Variants in CDH20 observed in about 807,000 individuals in gnomAD.
CDH20 encodes the protein cadherin-20.
CDH20 carries 29 observed loss-of-function variants against 74.2 expected under a neutral mutation model. The observed-to-expected ratio is 0.39, with a 90% CI of 0.29 to 0.53. CDH20 has a LOEUF of 0.53. Ranked by LOEUF, CDH20 falls within the 20% of genes least tolerant of loss-of-function variation. The probability of loss-of-function intolerance (pLI) is 0.69; values close to 1 mark genes in which losing one functional copy is unlikely to be tolerated. For missense variants in CDH20, 988 were observed against 1,048.3 expected (o/e 0.94, Z 0.79); for synonymous variants, 469 against 405.4 (o/e 1.16, Z -1.88).
At chr18:61,459,221 ACT>A (rs1185777431) in intron 1 of CDH20, among the ~76,000 whole-genome samples, 22 of 151,456 alleles carry the variant, frequency 1.5e-4, no homozygotes, top group African/African-American at 5.1e-4. Flanking sequence ...TAGTAAGGAC[ACT>A]CTATCACCTC....
chr18:61,345,733 A>T (rs891117752), intron 1 of CDH20, among the ~76,000 whole-genome samples: 7 of 152,332 alleles, frequency 4.6e-5, no homozygotes, highest in African/African-American at 1.7e-4. Flanking sequence ...AAGAACCCAG[A>T]TGTCTTAATG....
At chr18:61,513,264 T>C (rs1911852814) in intron 6 of CDH20, among the ~76,000 whole-genome samples, 1 of 142,502 alleles carries the variant, frequency 7.0e-6, no homozygotes, top group Non-Finnish European at 1.5e-5. Context: ...GTAATGGCCT[T>C]GTCTCTTTTG....
intron 1 of CDH20, among the ~76,000 whole-genome samples, chr18:61,387,121 T>C (rs1320488920): frequency 1.3e-5 from 2 of 152,216 alleles, no homozygotes; most frequent in Non-Finnish European, 2.9e-5. Context: ...TCTATTTTCA[T>C]CCATACATCT....
rs1910399925 is a variant in CDH20 at position 61,353,930 on chromosome 18, A to C, written c.-153+20103A>C. On this transcript the variant is annotated intron_variant, in intron 1 of 11. Transcript: ENST00000262717. This position sits in a 1 kb window ranked among gnomAD's most constrained non-coding sequence, Gnocchi z 4.6. ...AACCCCATCTCTACCAAAAATACAA[A>C]ATATTAGTTGGGCATGGTGGCGTGC... is the stretch of plus-strand genomic sequence containing the variant. 6.6e-6 allele frequency among the ~76,000 whole-genome samples: 1 copy of C among 152,026 alleles called. No individual in the cohort carries two copies. The highest frequency in any genetic ancestry group is 2.1e-4 in the South Asian group (1 of 4,810).
At chr18:61,525,440 A>C (rs1269097956) in intron 6 of CDH20, among the ~76,000 whole-genome samples, 9 of 152,200 alleles carry the variant, frequency 5.9e-5, no homozygotes, top group Admixed American at 4.6e-4. Context: ...AGGAAAGAAA[A>C]ATGTTTCGAT....
chr18:61,371,330 T>C (rs976603867), intron 1 of CDH20, among the ~76,000 whole-genome samples: 19 of 152,060 alleles, frequency 1.2e-4, no homozygotes, highest in Admixed American at 1.1e-3. Flanking sequence ...AAAAATTAAC[T>C]GGTGATGATG....
intron 2 of CDH20, among the ~76,000 whole-genome samples, chr18:61,493,429 T>C (rs1302655617): frequency 6.6e-6 from 1 of 152,206 alleles, no homozygotes; most frequent in Non-Finnish European, 1.5e-5. Flanking sequence ...AAGAAAGCAC[T>C]ACAGTGCTTT....
chr18:61,376,139 G>A (rs1254447984), intron 1 of CDH20, among the ~76,000 whole-genome samples: 8 of 151,952 alleles, frequency 5.3e-5, no homozygotes, highest in Non-Finnish European at 1.2e-4. Context: ...GAGCCCCCTA[G>A]TAGTCTAGTG....
Position 61,373,144 on chromosome 18 carries a change from T to C in CDH20, c.-153+39317T>C, listed in dbSNP as rs376307077. Among the ~76,000 whole-genome samples, 8 of 151,902 alleles carry C rather than the reference T, an allele frequency of 5.3e-5. No homozygotes were observed. The East Asian group carries it at 7.8e-4, about 15-fold the overall frequency. ...AAAGTTGTCTTACACAGATGGCATG[T>C]GAATGCATGATTTAGAATAAATGAC... On this transcript the variant is annotated intron_variant, in intron 1 of 11. Transcript: ENST00000262717.
At chr18:61,489,040 T>C (rs1910866165) in intron 1 of CDH20, among the ~76,000 whole-genome samples, 1 of 152,236 alleles carries the variant, frequency 6.6e-6, no homozygotes, top group South Asian at 2.1e-4. Flanking sequence ...TAACACTCAA[T>C]CTGCCTTCAG....
chr18:61,507,676 C>T (rs1172455427), intron 6 of CDH20, 116 bp downstream of exon 6: 5 of 636,298 alleles, frequency 7.9e-6, no homozygotes, highest in East Asian at 3.2e-5. Flanking sequence ...GATAAAAGTG[C>T]TTTCCTATTA....
intron 9 of CDH20, among the ~76,000 whole-genome samples, chr18:61,544,370 C>T (rs960960898): frequency 6.6e-6 from 1 of 152,224 alleles, no homozygotes; most frequent in African/African-American, 2.4e-5. Flanking sequence ...CTCAATAGAC[C>T]CTCTGCCTTA....
intron 1 of CDH20, among the ~76,000 whole-genome samples, chr18:61,436,740 C>G (rs62098093): frequency 0.027 from 4,131 of 152,186 alleles, 75 homozygotes; most frequent in Middle Eastern, 0.048. Flanking sequence ...CAGATTGTAC[C>G]ATGTGGGTAC....
At chr18:61,517,482 G>A (rs1306140242) in intron 6 of CDH20, among the ~76,000 whole-genome samples, 2 of 152,196 alleles carry the variant, frequency 1.3e-5, no homozygotes, top group Admixed American at 6.5e-5. Context: ...GAAGTGCAAG[G>A]GGTCAGGGAA....
intron 1 of CDH20, among the ~76,000 whole-genome samples, chr18:61,471,395 T>C (rs1372412064): frequency 1.3e-5 from 2 of 152,270 alleles, no homozygotes; most frequent in South Asian, 2.1e-4. Flanking sequence ...AGAAATTATA[T>C]CTCCCAGCAA....
At chr18:61,459,046 C>G (rs575891593) in intron 1 of CDH20, among the ~76,000 whole-genome samples, 1 of 152,118 alleles carries the variant, frequency 6.6e-6, no homozygotes, top group South Asian at 2.1e-4. Flanking sequence ...AGTAATAGCT[C>G]CTAAGTGGAA....
At chr18:61,391,410 T>A (rs1911775768) in intron 1 of CDH20, among the ~76,000 whole-genome samples, 1 of 152,118 alleles carries the variant, frequency 6.6e-6, no homozygotes, top group Non-Finnish European at 1.5e-5. Context: ...GCAACTAATA[T>A]AAAATATCCA....
At chr18:61,431,454 C>A (rs908810564) in intron 1 of CDH20, among the ~76,000 whole-genome samples, 1 of 152,006 alleles carries the variant, frequency 6.6e-6, no homozygotes, top group Admixed American at 6.6e-5. Context: ...TAATTAAGTC[C>A]ATTAAAGTAT....
At chr18:61,494,999 C>A (rs1270954761) in intron 2 of CDH20, among the ~76,000 whole-genome samples, 1 of 152,192 alleles carries the variant, frequency 6.6e-6, no homozygotes. Context: ...TCCCATCACT[C>A]ACTACTCCCT....
Sources: allele counts gnomAD v4.1 joint callset (sites outside exome capture counted in the v4.1 genomes callset), GRCh38; gene constraint gnomAD v4.1.1; non-coding constraint Gnocchi (gnomAD v3.1); transcripts MANE v1.5; gene names NCBI Gene and HGNC (gene_info 2026-07-23, HGNC 2026-07-21).